The following ZNF529 variants were observed in gnomAD, a reference collection of about 807,000 sequenced individuals.
ZNF529 encodes zinc finger protein 529.
In ZNF529, 11 loss-of-function variants were observed where a neutral mutation model predicts 10.1. The ratio of observed to expected loss-of-function variants is 1.09; its 90% confidence interval spans 0.69 to 1.81. The LOEUF is 1.81. ZNF529 is among the 40% of genes most tolerant of loss of function. ZNF529 has a pLI of 0.00. For synonymous variants in ZNF529, 204 were observed against 215.7 expected, an observed-to-expected ratio of 0.95 and a Z score of 0.47; for missense variants, 624 against 666.8, an observed-to-expected ratio of 0.94 and a Z score of 0.71.
At chr19:36,571,197 A>T (rs2036092142) in intron 2 of ZNF529, among the ~76,000 whole-genome samples, 1 of 152,216 alleles carries the variant, frequency 6.6e-6, no homozygotes, top group African/African-American at 2.4e-5. Context: ...AAAATTTAGC[A>T]TCCAAATTGA....
At chr19:36,592,300 A>AG (rs1225310375) in intron 1 of ZNF529, among the ~76,000 whole-genome samples, 2 of 149,268 alleles carry the variant, frequency 1.3e-5, no homozygotes, top group East Asian at 3.9e-4. Context: ...AAAAAAAAAA[A>AG]AAAAAAAGAA....
chr19:36,544,463 G>GA lies in ZNF529; in HGVS notation c.*2402dup, dbSNP rs1470639083. On this transcript the variant is annotated 3_prime_UTR_variant, in exon 5 of 5. Transcript: ENST00000591340. ...AGTTTTAATTTGTTTAAGCTGGAAG[G>GA]AAAAAAACACACACAAAGAAATATA... The GA allele has an allele frequency of 6.6e-6, 1 of 151,858 alleles. No individual in the cohort carries two copies. The highest frequency in any genetic ancestry group is 2.4e-5 in the African/African-American group (1 of 41,344). 9.4% of individuals were successfully genotyped at this position (151,858 alleles called of 1,614,324 possible).
chr19:36,573,499 A>G (rs976788009), upstream of ZNF529: 12 of 470,570 alleles, frequency 2.6e-5, no homozygotes, highest in African/African-American at 2.0e-4. Flanking sequence ...GGCGCGGAAG[A>G]GGCGGCTGGT....
chr19:36,564,466 AC>A (rs1326242651), intron 2 of ZNF529, among the ~76,000 whole-genome samples: 1 of 152,228 alleles, frequency 6.6e-6, no homozygotes, highest in African/African-American at 2.4e-5. Context: ...CAAAAGACAT[AC>A]AAGCAGCCAA....
chr19:36,593,370 T>C (rs760341881), intron 1 of ZNF529, among the ~76,000 whole-genome samples: 7 of 152,136 alleles, frequency 4.6e-5, no homozygotes, highest in African/African-American at 9.7e-5. Flanking sequence ...GTTTCCACCA[T>C]GTTGCCCAGG....
intron 1 of ZNF529, among the ~76,000 whole-genome samples, chr19:36,602,589 C>T (rs533847373): frequency 3.9e-5 from 6 of 152,114 alleles, no homozygotes; most frequent in East Asian, 1.9e-4. Flanking sequence ...ACCATTATAC[C>T]ATACTCACAC....
intron 2 of ZNF529, among the ~76,000 whole-genome samples, chr19:36,565,844 T>C (rs1481264661): frequency 6.6e-6 from 1 of 152,200 alleles, no homozygotes; most frequent in African/African-American, 2.4e-5. Flanking sequence ...TATAAACCAA[T>C]GTTAAAGAGC....
chr19:36,547,069 G>C lies in ZNF529; in HGVS notation c.1489C>G (p.Gln497Glu), dbSNP rs2035054295. 1 of 1,613,986 alleles carries C rather than the reference G, an allele frequency of 6.2e-7. No homozygotes were observed. Among genetic ancestry groups the C allele is most frequent in the Middle Eastern group, 1.7e-4 (1 of 6,056 alleles). ...GGTTTTTCTCCAGTATGAATTCTCT[G>C]ATGTTCTGTAAGGGCTGAACTATGT... ...FRHSSALTEHQRIHTGEKPYE... is the reference protein window; with the variant it reads ...FRHSSALTEHERIHTGEKPYE... The change falls in exon 5 of 5, where the codon CAG becomes GAG. Residue 497 changes from glutamine to glutamate, a missense_variant. Transcript: ENST00000591340.
chr19:36,585,751 T>C (rs915920812), intron 2 of ZNF529, among the ~76,000 whole-genome samples: 2 of 152,202 alleles, frequency 1.3e-5, no homozygotes, highest in Non-Finnish European at 2.9e-5. Context: ...AGTGGCAACA[T>C]TGGGAGGCTG....
At chr19:36,563,639 A>G (rs2035796007) in intron 2 of ZNF529, among the ~76,000 whole-genome samples, 1 of 152,200 alleles carries the variant, frequency 6.6e-6, no homozygotes, top group South Asian at 2.1e-4. Context: ...CAAAGAAATC[A>G]GATGACACAA....
In ZNF529 at chr19:36,556,324, G is replaced by C. The variant is rs1194640517; in HGVS notation, c.15-127C>G. ...AAAAAACATGTTAAGAACTCTTAGA[G>C]TCTAGACTCCGTGAACCAAACCTGA... On this transcript the variant is annotated intron_variant, in intron 2 of 4. Coordinates refer to ENST00000591340, the MANE Select transcript of ZNF529 (RefSeq NM_020951.5). 2.4e-5 allele frequency: 15 copies of C among 629,488 alleles called. No homozygotes were observed. In the East Asian group the frequency reaches 4.1e-4, roughly 17 times the overall value. 39.0% of individuals were successfully genotyped at this position (629,488 alleles called of 1,614,324 possible).
intron 2 of ZNF529, among the ~76,000 whole-genome samples, chr19:36,582,987 C>T (rs1192432726): frequency 6.6e-6 from 1 of 152,100 alleles, no homozygotes; most frequent in Non-Finnish European, 1.5e-5. Flanking sequence ...TTCATCCATT[C>T]CTTTAAAAGC....
chr19:36,586,143 T>A (rs184520667), intron 2 of ZNF529, among the ~76,000 whole-genome samples: 3 of 152,342 alleles, frequency 2.0e-5, no homozygotes, highest in Middle Eastern at 3.4e-3. Flanking sequence ...TCCATTTCCT[T>A]GCAATATGTA....
intron 1 of ZNF529, among the ~76,000 whole-genome samples, chr19:36,595,682 G>C (rs1235931173): frequency 3.9e-5 from 6 of 152,142 alleles, no homozygotes; most frequent in Non-Finnish European, 7.3e-5. Flanking sequence ...CTGGACGACA[G>C]AGCAAGACTC....
At chr19:36,554,572 C>A (rs2035389675) in intron 4 of ZNF529, 98 bp downstream of exon 4, 2 of 1,056,364 alleles carry the variant, frequency 1.9e-6, no homozygotes, top group Non-Finnish European at 2.5e-6. Context: ...AGTGAGACTC[C>A]ATCTCATAAA....
chr19:36,598,567 A>G (rs1334566819), intron 1 of ZNF529, among the ~76,000 whole-genome samples: 1 of 152,090 alleles, frequency 6.6e-6, no homozygotes, highest in East Asian at 1.9e-4. Flanking sequence ...AGAACAAAAG[A>G]TGTGATTAAA....
intron 2 of ZNF529, among the ~76,000 whole-genome samples, chr19:36,567,598 T>C (rs1447210757): frequency 1.3e-5 from 2 of 152,092 alleles, no homozygotes; most frequent in Non-Finnish European, 2.9e-5. Flanking sequence ...CCTGCCACCA[T>C]GCCTGGCTAA....
upstream of ZNF529, chr19:36,575,017 G>A (rs2036280584): frequency 2.3e-6 from 1 of 432,884 alleles, no homozygotes; most frequent in African/African-American, 2.0e-5. Context: ...GCTTTGCTAT[G>A]TTTGTATGGA....
intron 2 of ZNF529, among the ~76,000 whole-genome samples, chr19:36,564,693 T>C (rs2035832670): frequency 1.3e-5 from 2 of 152,148 alleles, no homozygotes; most frequent in South Asian, 4.1e-4. Flanking sequence ...TTTGGAGATT[T>C]CTCAAATAAC....
Sources: gnomAD v4.1 joint callset for allele counts (sites outside exome capture counted in the v4.1 genomes callset) on GRCh38, gnomAD v4.1.1 for gene constraint, MANE v1.5 for transcripts, NCBI Gene and HGNC (gene_info 2026-07-23, HGNC 2026-07-21) for gene names.